The following MIS18A variants were observed in gnomAD, a reference collection of about 807,000 sequenced individuals.
The protein encoded by MIS18A is MIS18 kinetochore protein A.
MIS18A carries 14 observed loss-of-function variants against 25.0 expected under a neutral mutation model. The ratio of observed to expected loss-of-function variants is 0.56; its 90% CI spans 0.37 to 0.88. MIS18A has a LOEUF of 0.88. Among genes scored for constraint, MIS18A ranks in the 40% least tolerant of loss-of-function variants. MIS18A has a pLI of 0.00. For missense variants in MIS18A, 292 were observed against 290.8 expected, an observed-to-expected ratio of 1.00 and a Z score of -0.03; for synonymous variants, 134 against 118.6, an observed-to-expected ratio of 1.13 and a Z score of -0.84.
intron 2 of MIS18A, among the ~76,000 whole-genome samples, chr21:32,272,994 G>T (rs1420700037): frequency 6.6e-6 from 1 of 152,140 alleles, no homozygotes; most frequent in Non-Finnish European, 1.5e-5. Flanking sequence ...TACCAAATGA[G>T]AAATGATCTG....
downstream of MIS18A, among the ~76,000 whole-genome samples, chr21:32,266,507 G>T (rs1283456445): frequency 6.6e-6 from 1 of 152,148 alleles, no homozygotes; most frequent in Non-Finnish European, 1.5e-5. Context: ...TTTATGAGCT[G>T]TAACACTCAC....
At chr21:32,216,325 G>A in the MIS18A span, among the ~76,000 whole-genome samples, 13 of 152,318 alleles carry the variant, frequency 8.5e-5, no homozygotes, top group African/African-American at 2.9e-4. Context: ...GGAAGGAGAA[G>A]AACAGTTCTG....
At chr21:32,191,575 C>T in the MIS18A span, among the ~76,000 whole-genome samples, 4 of 152,010 alleles carry the variant, frequency 2.6e-5, no homozygotes, top group African/African-American at 7.3e-5. Flanking sequence ...CAGAGCAAGA[C>T]CCTTTCCCTT....
At chr21:32,235,302 G>A in the MIS18A span, among the ~76,000 whole-genome samples, 14 of 152,276 alleles carry the variant, frequency 9.2e-5, no homozygotes, top group South Asian at 1.2e-3. Context: ...CTCTTGCCTC[G>A]AAGTGGGTAC....
At chr21:32,277,136 G>A (rs2031827970) in intron 1 of MIS18A, among the ~76,000 whole-genome samples, 1 of 151,986 alleles carries the variant, frequency 6.6e-6, no homozygotes, top group Non-Finnish European at 1.5e-5. Context: ...TTTACTGGGG[G>A]GTGTGGGGAG....
At chr21:32,245,543 A>G in the MIS18A span, among the ~76,000 whole-genome samples, 1 of 152,200 alleles carries the variant, frequency 6.6e-6, no homozygotes, top group Non-Finnish European at 1.5e-5. Context: ...AGGAAGCTGC[A>G]GCTGGGAAGG....
chr21:32,278,597 C>T, intron 1 of MIS18A, 84 bp downstream of exon 1: 1 of 1,360,256 alleles, frequency 7.4e-7, no homozygotes, highest in Admixed American at 2.8e-5. Flanking sequence ...CAAGGAGCCC[C>T]CGCCTCCTCC....
chr21:32,266,099 C>T (rs1419614809), downstream of MIS18A, among the ~76,000 whole-genome samples: 1 of 151,962 alleles, frequency 6.6e-6, no homozygotes, highest in African/African-American at 2.4e-5. Flanking sequence ...CCAATCGGCA[C>T]TCTGTATCTA....
At chr21:32,233,687 T>C in the MIS18A span, among the ~76,000 whole-genome samples, 1 of 152,162 alleles carries the variant, frequency 6.6e-6, no homozygotes, top group Non-Finnish European at 1.5e-5. Context: ...CATCTTATCT[T>C]GCAGGCAGGG....
At chr21:32,224,815 C>T in the MIS18A span, among the ~76,000 whole-genome samples, 10 of 148,518 alleles carry the variant, frequency 6.7e-5, no homozygotes, top group Admixed American at 3.4e-4. Context: ...GAGCCTGCAT[C>T]GCCAAGTCAA....
At chr21:32,262,431 T>G in the MIS18A span, among the ~76,000 whole-genome samples, 1 of 152,186 alleles carries the variant, frequency 6.6e-6, no homozygotes, top group Non-Finnish European at 1.5e-5. Flanking sequence ...TTCTCAAAAT[T>G]TCTACTGTTC....
intron 2 of MIS18A, among the ~76,000 whole-genome samples, chr21:32,272,874 C>G (rs1409509893): frequency 6.6e-6 from 1 of 152,158 alleles, no homozygotes; most frequent in Non-Finnish European, 1.5e-5. Context: ...GAAGAAAGAG[C>G]ACTTCGAAGG....
chr21:32,252,742 GA>G, the MIS18A span, among the ~76,000 whole-genome samples: 1 of 152,214 alleles, frequency 6.6e-6, no homozygotes. Flanking sequence ...GTGCCTTTCA[GA>G]AAACTCAAGT....
At chr21:32,235,511 C>T in the MIS18A span, among the ~76,000 whole-genome samples, 1 of 152,290 alleles carries the variant, frequency 6.6e-6, no homozygotes, top group South Asian at 2.1e-4. Flanking sequence ...GAACCCAACA[C>T]AGTGACTCTG....
At chr21:32,206,903 C>T in the MIS18A span, among the ~76,000 whole-genome samples, 1 of 152,180 alleles carries the variant, frequency 6.6e-6, no homozygotes, top group Admixed American at 6.5e-5. Context: ...ACCACTGATG[C>T]CTGGGACCAT....
chr21:32,279,046 A>AGTCTTAAAGGATGAGGGACGGTAC lies in MIS18A; in HGVS notation c.-33_-32insGTACCGTCCCTCATCCTTTAAGAC. On this transcript the variant is annotated 5_prime_UTR_variant, in exon 1 of 5. An upstream start codon of the reference 5' UTR is lost. Coordinates refer to ENST00000290130, the MANE Select transcript of MIS18A (RefSeq NM_018944.3). ...CAAATCGCCCGCGCCCCAGAGCGCC[A>AGTCTTAAAGGATGAGGGACGGTAC]TGGGAAAAAAAACCGCCGCTGCTCA... 6.5e-7 allele frequency: 1 copy of AGTCTTAAAGGATGAGGGACGGTAC among 1,536,754 alleles called. No individual in the cohort carries two copies. Among genetic ancestry groups the AGTCTTAAAGGATGAGGGACGGTAC allele is most frequent in the East Asian group, 2.3e-5 (1 of 42,582 alleles).
At chr21:32,196,490 T>A in the MIS18A span, among the ~76,000 whole-genome samples, 1 of 148,718 alleles carries the variant, frequency 6.7e-6, no homozygotes, top group Non-Finnish European at 1.5e-5. Context: ...AGGCAGAGTC[T>A]CTCTCTGTTG....
the MIS18A span, among the ~76,000 whole-genome samples, chr21:32,175,668 G>A: frequency 4.4e-5 from 6 of 137,062 alleles, no homozygotes; most frequent in African/African-American, 1.4e-4. Context: ...GTAGCTGGGC[G>A]TGATGGTGGG....
the MIS18A span, among the ~76,000 whole-genome samples, chr21:32,229,480 G>C: frequency 6.6e-6 from 1 of 152,100 alleles, no homozygotes; most frequent in Non-Finnish European, 1.5e-5. Context: ...TTCAAAGCCT[G>C]TTGTAATTAC....
Sources: gnomAD v4.1 joint callset for allele counts (sites outside exome capture counted in the v4.1 genomes callset) on GRCh38, gnomAD v4.1.1 for gene constraint, MANE v1.5 for transcripts, NCBI Gene and HGNC (gene_info 2026-07-23, HGNC 2026-07-21) for gene names.